Variants in ZC3H13 observed in about 807,000 individuals in gnomAD.
ZC3H13 encodes zinc finger CCCH domain-containing protein 13.
Under a neutral mutation model 204.1 loss-of-function variants are expected in ZC3H13, and 64 were observed. The ratio of observed to expected loss-of-function variants is 0.31; its 90% CI spans 0.26 to 0.39. The LOEUF (loss-of-function observed/expected upper bound fraction) is 0.39. ZC3H13 is among the 10% of genes least tolerant of loss of function. The pLI, the probability that ZC3H13 is intolerant of heterozygous loss-of-function variation, is 1.00. For missense variants in ZC3H13, 1,833 were observed against 2,082.7 expected, an observed-to-expected ratio of 0.88 and a Z score of 2.33; for synonymous variants, 667 against 693.7, an observed-to-expected ratio of 0.96 and a Z score of 0.60.
At chr13:46,046,585 A>G (rs948683565) in intron 1 of ZC3H13, among the ~76,000 whole-genome samples, 3 of 151,520 alleles carry the variant, frequency 2.0e-5, no homozygotes, top group Admixed American at 1.3e-4. Flanking sequence ...GGAGAATAGC[A>G]TGAACCCAGG....
chr13:46,034,939 G>A (rs754341089), intron 4 of ZC3H13, among the ~76,000 whole-genome samples: 2 of 152,176 alleles, frequency 1.3e-5, no homozygotes, highest in South Asian at 2.1e-4. Context: ...TAGTATACAC[G>A]CATATATTTA....
chr13:46,034,863 G>C (rs1276999944), intron 4 of ZC3H13, among the ~76,000 whole-genome samples: 3 of 152,152 alleles, frequency 2.0e-5, no homozygotes, highest in East Asian at 1.9e-4. Flanking sequence ...AGAGAAATCA[G>C]TAAAAACTCA....
intron 17 of ZC3H13, chr13:45,962,446 G>A: frequency 1.0e-6 from 1 of 985,132 alleles, no homozygotes; most frequent in Non-Finnish European, 1.2e-6. Context: ...TAAGATTTTA[G>A]GGGTTTTATT....
chr13:45,982,333 A>G (rs112531347), intron 10 of ZC3H13, among the ~76,000 whole-genome samples: 1 of 152,154 alleles, frequency 6.6e-6, no homozygotes, highest in Admixed American at 6.5e-5. Context: ...GAATGGATTA[A>G]CCATCAGATT....
intron 5 of ZC3H13, among the ~76,000 whole-genome samples, chr13:46,017,894 G>A (rs866950943): frequency 1.3e-5 from 2 of 151,958 alleles, no homozygotes; most frequent in African/African-American, 2.4e-5. Context: ...AAAACTGTGC[G>A]TTTCAATCAA....
chr13:46,042,292 A>C lies in ZC3H13; in HGVS notation c.228-17T>G, dbSNP rs1566358431. On this transcript the variant is annotated splice_polypyrimidine_tract_variant and intron_variant, in intron 3 of 18. Coordinates refer to ENST00000679008, the MANE Select transcript of ZC3H13 (RefSeq NM_001330564.2). The stretch of plus-strand genomic sequence containing the variant: ...TCTGGTGACCTTTGAACCAAAACAC[A>C]GAAACAAAACAAAAAACGAAACAAA... The C allele has an allele frequency of 6.3e-7, 1 of 1,584,670 alleles. No homozygotes were observed. Among genetic ancestry groups the C allele is most frequent in the Non-Finnish European group, 8.6e-7 (1 of 1,161,300 alleles).
chr13:46,042,060 G>A (rs530937159), intron 4 of ZC3H13, 104 bp downstream of exon 4: 21 of 852,760 alleles, frequency 2.5e-5, no homozygotes, highest in East Asian at 7.5e-5. Context: ...TTATAATGCC[G>A]TATTACACAT....
chr13:46,008,670 T>C (rs1045037716), intron 7 of ZC3H13, among the ~76,000 whole-genome samples: 2 of 152,172 alleles, frequency 1.3e-5, no homozygotes, highest in Non-Finnish European at 2.9e-5. Flanking sequence ...ATTTCTAGTA[T>C]GCAGTTTATT....
intron 9 of ZC3H13, among the ~76,000 whole-genome samples, chr13:45,986,317 G>C (rs1954185699): frequency 6.6e-6 from 1 of 152,204 alleles, no homozygotes; most frequent in Non-Finnish European, 1.5e-5. Flanking sequence ...TTCTAGCTGG[G>C]TGACGTGGCA....
chr13:45,966,336 T>C (rs1251159251), intron 15 of ZC3H13, among the ~76,000 whole-genome samples: 1 of 152,304 alleles, frequency 6.6e-6, no homozygotes, highest in East Asian at 1.9e-4. Context: ...TTCCATGTTA[T>C]TAAATTCTAT....
intron 12 of ZC3H13, among the ~76,000 whole-genome samples, chr13:45,972,619 T>A (rs958345269): frequency 3.3e-5 from 5 of 152,180 alleles, no homozygotes; most frequent in Non-Finnish European, 7.4e-5. Flanking sequence ...ATGTATATCA[T>A]AGACAGCTCC....
At chr13:46,011,276 T>C (rs2041543042) in intron 6 of ZC3H13, 139 bp downstream of exon 6, 1 of 546,014 alleles carries the variant, frequency 1.8e-6, no homozygotes, top group Admixed American at 3.9e-5. Flanking sequence ...TGAATATATA[T>C]GGAGTAGTAC....
At position 45,988,856 on chromosome 13, in the gene ZC3H13, G is replaced by T; in HGVS notation, c.1186C>A (p.Arg396=). 6.2e-7 allele frequency: 1 copy of T among 1,614,142 alleles called. No homozygotes were observed. ...TCATGATCATGTCTCCCTTTCTCTCGCATTGGAGAGCGATGTCTTGGAGGA... is the reference window on the plus strand; with the variant it reads ...TCATGATCATGTCTCCCTTTCTCTCTCATTGGAGAGCGATGTCTTGGAGGA... ...QSPPRHRSPM[R]EKGRHDHERT... is the part of the protein sequence containing the mutation. The change falls in exon 9 of 19, where the codon CGA becomes AGA. Residue 396 remains arginine, a synonymous_variant. Transcript: ENST00000679008.
At chr13:46,042,670 A>G (rs1488245883) in intron 3 of ZC3H13, among the ~76,000 whole-genome samples, 2 of 152,138 alleles carry the variant, frequency 1.3e-5, no homozygotes, top group Non-Finnish European at 2.9e-5. Flanking sequence ...AAAGTTTTAA[A>G]CTACAAAGTT....
At chr13:46,029,731 A>T (rs1258107048) in intron 4 of ZC3H13, among the ~76,000 whole-genome samples, 1 of 152,090 alleles carries the variant, frequency 6.6e-6, no homozygotes, top group African/African-American at 2.4e-5. Context: ...CCCGGCCGAG[A>T]TGGACTACTT....
intron 18 of ZC3H13, 73 bp from the exon 19 acceptor site, chr13:45,957,370 T>G: frequency 7.9e-7 from 1 of 1,262,610 alleles, no homozygotes; most frequent in Non-Finnish European, 1.0e-6. Flanking sequence ...CAGGTTAACC[T>G]CTACCCAAAA....
At chr13:45,957,575 T>C (rs1432877842) in intron 18 of ZC3H13, among the ~76,000 whole-genome samples, 1 of 152,194 alleles carries the variant, frequency 6.6e-6, no homozygotes, top group African/African-American at 2.4e-5. Flanking sequence ...TTTTACTTTA[T>C]CATTTCCAAT....
intron 5 of ZC3H13, among the ~76,000 whole-genome samples, chr13:46,014,481 CTA>C (rs1301383566): frequency 6.6e-6 from 1 of 152,122 alleles, no homozygotes; most frequent in Middle Eastern, 3.2e-3. Flanking sequence ...GGATTAAAAA[CTA>C]TAAATACTTG....
intron 4 of ZC3H13, among the ~76,000 whole-genome samples, chr13:46,041,052 T>A (rs2043546796): frequency 6.6e-6 from 1 of 152,160 alleles, no homozygotes; most frequent in South Asian, 2.1e-4. Context: ...ACAGTTACCG[T>A]AGAACTTGTC....
Sources: allele counts gnomAD v4.1 joint callset (sites outside exome capture counted in the v4.1 genomes callset), GRCh38; gene constraint gnomAD v4.1.1; transcripts MANE v1.5; gene names NCBI Gene and HGNC (gene_info 2026-07-23, HGNC 2026-07-21).